The following SOS2 variants were observed in gnomAD, a reference collection of about 807,000 sequenced individuals.
SOS2 encodes the protein son of sevenless homolog 2.
Under a neutral mutation model 148.2 loss-of-function variants are expected in SOS2, and 65 were observed. That is an observed-to-expected ratio of 0.44 (90% CI 0.36 to 0.54). The LOEUF (loss-of-function observed/expected upper bound fraction) is 0.54. Ranked by LOEUF, SOS2 falls within the 20% of genes least tolerant of loss-of-function variation. The probability of loss-of-function intolerance (pLI) is 0.00; values close to 1 mark genes in which losing one functional copy is unlikely to be tolerated. For synonymous variants in SOS2, 539 were observed against 537.1 expected, an observed-to-expected ratio of 1.00 and a Z score of -0.05; for missense variants, 1,341 against 1,590.2, an observed-to-expected ratio of 0.84 and a Z score of 2.67.
At chr14:50,228,518 T>C (rs539354468) in intron 1 of SOS2, among the ~76,000 whole-genome samples, 2 of 152,330 alleles carry the variant, frequency 1.3e-5, no homozygotes, top group Admixed American at 6.5e-5. Flanking sequence ...ATCTTACTAG[T>C]TCCCTCATCA....
chr14:50,129,024 C>T (rs1038110152), intron 21 of SOS2, among the ~76,000 whole-genome samples: 19 of 152,076 alleles, frequency 1.2e-4, no homozygotes, highest in Admixed American at 4.6e-4. Flanking sequence ...TTACTATGCT[C>T]GAAGCAGATG....
chr14:50,224,897 A>AAAAAAAAAAG (rs1477987016), intron 1 of SOS2, among the ~76,000 whole-genome samples: 18 of 150,766 alleles, frequency 1.2e-4, no homozygotes, highest in South Asian at 2.1e-4. Flanking sequence ...AAAAAAAAAA[A>AAAAAAAAAAG]AGAGAGAGAG....
At position 50,230,897 on chromosome 14, in the gene SOS2, C is replaced by A. The variant is rs537233145; in HGVS notation, c.87+300G>T. 2.5e-4 allele frequency: 262 copies of A among 1,060,406 alleles called. No individual in the cohort carries two copies. The African/African-American group carries it at 3.2e-3, about 13-fold the overall frequency. 65.7% of individuals were successfully genotyped at this position (1,060,406 alleles called of 1,614,324 possible). ...TAAATACCAGCGGGACTTTCTCTTG[C>A]CCGATTCCAGCCTGAGGACAACAAA... On this transcript the variant is annotated intron_variant, in intron 1 of 22. Coordinates refer to ENST00000216373, the MANE Select transcript of SOS2 (RefSeq NM_006939.4).
chr14:50,122,391 C>CTTTTTTTTTTTTTTCTTTTTTT (rs1883542725), intron 21 of SOS2, among the ~76,000 whole-genome samples: 5 of 88,308 alleles, frequency 5.7e-5, no homozygotes, highest in African/African-American at 2.4e-4. Context: ...GAACCCTGGG[C>CTTTTTTTTTTTTTTCTTTTTTT]TTTTTTTTTT....
chr14:50,178,698 A>G (rs1208855402), intron 7 of SOS2, among the ~76,000 whole-genome samples: 11 of 47,336 alleles, frequency 2.3e-4, no homozygotes, highest in African/African-American at 1.0e-3. Flanking sequence ...ATATATATAT[A>G]TATATATATA....
At chr14:50,144,636 C>A (rs1884405724) in intron 16 of SOS2, among the ~76,000 whole-genome samples, 1 of 151,776 alleles carries the variant, frequency 6.6e-6, no homozygotes, top group Admixed American at 6.6e-5. Flanking sequence ...TGGGGTTTCG[C>A]CGCGTTGTCC....
At chr14:50,197,312 T>C (rs1050621943) in intron 4 of SOS2, among the ~76,000 whole-genome samples, 10 of 152,264 alleles carry the variant, frequency 6.6e-5, no homozygotes, top group Middle Eastern at 3.4e-3. Context: ...AAACAGTAAC[T>C]TCACAGATGA....
At chr14:50,144,756 T>G (rs1884411904) in intron 16 of SOS2, among the ~76,000 whole-genome samples, 1 of 152,052 alleles carries the variant, frequency 6.6e-6, no homozygotes, top group African/African-American at 2.4e-5. Flanking sequence ...GTTTTTGAAA[T>G]AGTTCTTCCC....
chr14:50,198,889 T>G (rs1237449157), intron 4 of SOS2, among the ~76,000 whole-genome samples: 1 of 152,242 alleles, frequency 6.6e-6, no homozygotes, highest in Non-Finnish European at 1.5e-5. Context: ...GTGGGTGCAG[T>G]GGCTCATGCC....
At chr14:50,166,498 G>C (rs1415537849) in intron 8 of SOS2, among the ~76,000 whole-genome samples, 1 of 152,046 alleles carries the variant, frequency 6.6e-6, no homozygotes, top group Non-Finnish European at 1.5e-5. Flanking sequence ...TAAAGTGCTA[G>C]GATTACAAGC....
intron 8 of SOS2, among the ~76,000 whole-genome samples, chr14:50,169,577 T>C (rs12892308): frequency 0.29 from 44,752 of 151,736 alleles, 7,771 homozygotes; most frequent in Non-Finnish European, 0.4. Context: ...GAGGCAGAGG[T>C]TGCAGTGAGC....
Position 50,226,757 on chromosome 14 carries a change from C to T in SOS2, c.87+4440G>A, listed in dbSNP as rs74698432. On this transcript the variant is annotated intron_variant, in intron 1 of 22. Transcript: ENST00000216373. ...GGCTAGCCTGGTGAAAAACACCTTA[C>T]AGAAAAGACATCTACAAAATAAATA... 4.1e-3 allele frequency among the ~76,000 whole-genome samples: 620 copies of T among 152,294 alleles called. 26 individuals are homozygous for T. The East Asian group carries it at 0.087, about 21-fold the overall frequency.
intron 2 of SOS2, among the ~76,000 whole-genome samples, chr14:50,203,890 A>C (rs753264307): frequency 6.6e-6 from 1 of 151,508 alleles, no homozygotes; most frequent in African/African-American, 2.4e-5. Context: ...TATTCAATAT[A>C]AAGTACTATG....
chr14:50,185,050 T>C (rs756850089), intron 5 of SOS2, among the ~76,000 whole-genome samples: 1 of 152,140 alleles, frequency 6.6e-6, no homozygotes, highest in Non-Finnish European at 1.5e-5. Context: ...TCTGTATCAT[T>C]TTAAAGTCCT....
intron 21 of SOS2, among the ~76,000 whole-genome samples, chr14:50,127,378 G>T (rs144785572): frequency 6.6e-6 from 1 of 152,130 alleles, no homozygotes; most frequent in Non-Finnish European, 1.5e-5. Flanking sequence ...CTGACCTCAG[G>T]TGATCTGTCT....
chr14:50,119,253 G>C (rs1181883429), intron 22 of SOS2, among the ~76,000 whole-genome samples: 1 of 152,198 alleles, frequency 6.6e-6, no homozygotes, highest in African/African-American at 2.4e-5. Flanking sequence ...TAGAGCAGTA[G>C]ATCTCAAAGT....
chr14:50,219,538 TAGG>T (rs1887139809), intron 1 of SOS2, among the ~76,000 whole-genome samples: 1 of 151,594 alleles, frequency 6.6e-6, no homozygotes, highest in Admixed American at 6.6e-5. Context: ...TGGGGAGAAA[TAGG>T]AGGGAGAATT....
At chr14:50,130,810 A>G in intron 19 of SOS2, 48 bp from the exon 20 acceptor site, 1 of 1,537,308 alleles carries the variant, frequency 6.5e-7, no homozygotes, top group Non-Finnish European at 8.8e-7. Context: ...ATAGACAACA[A>G]TTTGTTTCTG....
At chr14:50,196,789 A>G (rs1302382228) in intron 4 of SOS2, among the ~76,000 whole-genome samples, 1 of 152,186 alleles carries the variant, frequency 6.6e-6, no homozygotes, top group African/African-American at 2.4e-5. Context: ...TAGGAAGGGG[A>G]AAAGAAAATA....
Sources: allele counts gnomAD v4.1 joint callset (sites outside exome capture counted in the v4.1 genomes callset), GRCh38; gene constraint gnomAD v4.1.1; transcripts MANE v1.5; gene names NCBI Gene and HGNC (gene_info 2026-07-23, HGNC 2026-07-21).